HSD17B4: variants seen among roughly 807,000 people sequenced by gnomAD.
HSD17B4 encodes peroxisomal multifunctional enzyme type 2.
Under a neutral mutation model 101.0 loss-of-function variants are expected in HSD17B4, and 70 were observed. The ratio of observed to expected loss-of-function variants is 0.69; its 90% CI spans 0.57 to 0.85. HSD17B4 has a LOEUF of 0.85. Ranked by LOEUF, HSD17B4 falls within the 40% of genes least tolerant of loss-of-function variation. HSD17B4 has a pLI of 0.00. For synonymous variants in HSD17B4, 347 were observed against 297.1 expected (o/e 1.17, Z -1.73); for missense variants, 984 against 892.4 (o/e 1.10, Z -1.31).
chr5:119,474,058 T>C (rs1328736708), intron 3 of HSD17B4, 43 bp downstream of exon 3: 6 of 987,052 alleles, frequency 6.1e-6, no homozygotes, highest in African/African-American at 1.6e-5. Flanking sequence ...TTCCTTCAAC[T>C]AATGCTATTT....
At chr5:119,533,611 G>A (rs539019867) in intron 22 of HSD17B4, among the ~76,000 whole-genome samples, 2 of 152,136 alleles carry the variant, frequency 1.3e-5, no homozygotes, top group Admixed American at 1.3e-4. Context: ...GGGAGGTTTG[G>A]GAGAGAAGAA....
In HSD17B4 at chr5:119,477,501, G is replaced by A; in HGVS notation, c.434G>A (p.Arg145Lys). The change falls in exon 7 of 24, where the codon AGG becomes AAG. Residue 145 changes from arginine (R) to lysine (K), a missense_variant and splice_region_variant. By Grantham distance (26) the Arg-to-Lys change is conservative. Coordinates refer to ENST00000510025, the MANE Select transcript of HSD17B4 (RefSeq NM_000414.4). ...WEHMKKQKYG[R>K]IIMTSSASGI... The stretch of plus-strand genomic sequence containing the variant: ...CACATGAAGAAACAGAAGTATGGAA[G>A]GTAGAGTTGCATGTGGTTGTCAAGG... 1.2e-6 allele frequency: 2 copies of A among 1,607,528 alleles called. No homozygotes were observed. Among genetic ancestry groups the A allele is most frequent in the Non-Finnish European group, 1.7e-6 (2 of 1,174,150 alleles).
At chr5:119,489,318 T>C in intron 9 of HSD17B4, 35 bp downstream of exon 9, 1 of 1,332,642 alleles carries the variant, frequency 7.5e-7, no homozygotes, top group Non-Finnish European at 1.1e-6. Flanking sequence ...TTATTAGTTT[T>C]CTCCAGTTGC....
At chr5:119,502,832 A>G (rs886208460) in intron 14 of HSD17B4, among the ~76,000 whole-genome samples, 1 of 152,152 alleles carries the variant, frequency 6.6e-6, no homozygotes, top group Non-Finnish European at 1.5e-5. Flanking sequence ...GAAGCTGAAT[A>G]GCTTTATTTC....
At chr5:119,519,323 A>G (rs1330200880) in intron 17 of HSD17B4, among the ~76,000 whole-genome samples, 1 of 152,264 alleles carries the variant, frequency 6.6e-6, no homozygotes, top group East Asian at 1.9e-4. Context: ...CCCCAGATAC[A>G]TATCTTATAC....
chr5:119,509,336 GA>G (rs1261143991), intron 16 of HSD17B4, 92 bp downstream of exon 16: 24 of 870,156 alleles, frequency 2.8e-5, no homozygotes, highest in Non-Finnish European at 1.4e-5. Flanking sequence ...TGAACTGCAT[GA>G]GCCCACTTAT....
chr5:119,533,523 A>C (rs1026062419), intron 22 of HSD17B4, among the ~76,000 whole-genome samples: 4 of 152,122 alleles, frequency 2.6e-5, no homozygotes, highest in African/African-American at 4.8e-5. Context: ...AGAAAGAGTC[A>C]AAACTAATAC....
intron 2 of HSD17B4, among the ~76,000 whole-genome samples, chr5:119,473,273 C>CCTTTT (rs369162095): frequency 2.7e-5 from 1 of 36,966 alleles, no homozygotes; most frequent in Non-Finnish European, 4.6e-5. Flanking sequence ...GTGGATGAAT[C>CCTTTT]TTTTTTTTTT....
chr5:119,539,707 T>G (rs1026175035), intron 23 of HSD17B4, among the ~76,000 whole-genome samples: 2 of 151,904 alleles, frequency 1.3e-5, no homozygotes, highest in Non-Finnish European at 2.9e-5. Context: ...AATTAAAGCA[T>G]GTTATTTTTG....
At chr5:119,454,264 A>G (rs1415253266) in intron 1 of HSD17B4, among the ~76,000 whole-genome samples, 2 of 152,222 alleles carry the variant, frequency 1.3e-5, no homozygotes, top group African/African-American at 2.4e-5. Context: ...CCTGCTGTTC[A>G]TAAACTGGTT....
At chr5:119,496,486 T>C in intron 11 of HSD17B4, 57 bp from the exon 12 acceptor site, 1 of 929,716 alleles carries the variant, frequency 1.1e-6, no homozygotes, top group South Asian at 1.3e-5. Flanking sequence ...TTGTAGCTTT[T>C]CTTAGTCACA....
chr5:119,476,868 T>G (rs1748636904), intron 6 of HSD17B4: 1 of 208,510 alleles, frequency 4.8e-6, no homozygotes, highest in Admixed American at 6.5e-5. Context: ...CAAAAATAAG[T>G]AAGAATGCTT....
At chr5:119,513,382 C>A (rs920444247) in intron 16 of HSD17B4, among the ~76,000 whole-genome samples, 58 of 151,994 alleles carry the variant, frequency 3.8e-4, no homozygotes, top group African/African-American at 1.4e-3. Context: ...TGTTCTTTTT[C>A]TTTGTTCTTT....
At chr5:119,536,261 T>C in intron 22 of HSD17B4, 162 bp from the exon 23 acceptor site, 1 of 683,294 alleles carries the variant, frequency 1.5e-6, no homozygotes, top group South Asian at 1.8e-5. Flanking sequence ...TTGCTTTTTT[T>C]CTAAATGACA....
chr5:119,529,656 T>TTTTAAAG (rs1280958736), intron 20 of HSD17B4, among the ~76,000 whole-genome samples: 1 of 152,174 alleles, frequency 6.6e-6, no homozygotes, highest in Admixed American at 6.6e-5. Context: ...TGTTTGTTTG[T>TTTTAAAG]TTTAAAGGGC....
chr5:119,535,331 T>A (rs890035946), intron 22 of HSD17B4, among the ~76,000 whole-genome samples: 1 of 143,790 alleles, frequency 7.0e-6, no homozygotes, highest in Non-Finnish European at 1.5e-5. Context: ...CAATAATAAT[T>A]ATTATTCATT....
intron 9 of HSD17B4, among the ~76,000 whole-genome samples, chr5:119,489,801 T>G (rs1303865567): frequency 1.3e-5 from 2 of 152,154 alleles, no homozygotes; most frequent in Non-Finnish European, 2.9e-5. Flanking sequence ...AATATAACAT[T>G]ATTTATTTTT....
At chr5:119,466,473 C>A (rs1471176787) in intron 2 of HSD17B4, among the ~76,000 whole-genome samples, 1 of 152,130 alleles carries the variant, frequency 6.6e-6, no homozygotes, top group Non-Finnish European at 1.5e-5. Context: ...TTTATACCCG[C>A]TTCAATCTTG....
Position 119,515,020 on chromosome 5 carries a change from CT to C in HSD17B4, c.1479del (p.Thr494GlnfsTer30). The C allele has an allele frequency of 6.3e-7, 1 of 1,584,644 alleles. No individual in the cohort carries two copies. The highest frequency in any genetic ancestry group is 8.7e-7 in the Non-Finnish European group (1 of 1,153,422). On this transcript the variant is annotated frameshift_variant, in exon 17 of 24. Transcript: ENST00000510025. LOFTEE classifies it high-confidence loss of function. ...ACCTAATAGACCTCCTGATGCTGTA[CT>C]TACAGATACCACCTCTCTTAATCAG... is the stretch of plus-strand genomic sequence containing the variant. ...AIPNRPPDAVLTDTTSLNQAA... is the reference protein window; with the variant it reads ...AIPNRPPDAVXTDTTSLNQAA...
Sources: gnomAD v4.1 joint callset for allele counts (sites outside exome capture counted in the v4.1 genomes callset) on GRCh38, gnomAD v4.1.1 for gene constraint, MANE v1.5 for transcripts, NCBI Gene and HGNC (gene_info 2026-07-23, HGNC 2026-07-21) for gene names.